KIRREL3: variants seen among roughly 807,000 people sequenced by gnomAD.
KIRREL3 encodes kirre like nephrin family adhesion molecule 3.
KIRREL3 carries 36 observed loss-of-function variants against 89.7 expected under a neutral mutation model. That is an observed-to-expected ratio of 0.40 (90% CI 0.31 to 0.53). The LOEUF is 0.53. Ranked by LOEUF, KIRREL3 falls within the 20% of genes least tolerant of loss-of-function variation. The pLI, the probability that KIRREL3 is intolerant of heterozygous loss-of-function variation, is 0.49. For missense variants in KIRREL3, 864 were observed against 1,056.6 expected, an observed-to-expected ratio of 0.82 and a Z score of 2.53; for synonymous variants, 445 against 441.4, an observed-to-expected ratio of 1.01 and a Z score of -0.10.
intron 1 of KIRREL3, among the ~76,000 whole-genome samples, chr11:126,926,675 T>G (rs1251416322): frequency 6.6e-6 from 1 of 152,192 alleles, no homozygotes; most frequent in African/African-American, 2.4e-5. Context: ...TGAAAGGAAC[T>G]GCAAATCTCC....
Position 126,763,776 on chromosome 11 carries a change from A to T in KIRREL3, c.56-200864T>A, listed in dbSNP as rs1949735272. Among the ~76,000 whole-genome samples, 1 of 152,162 alleles carries T rather than the reference A, an allele frequency of 6.6e-6. No individual in the cohort carries two copies. Among genetic ancestry groups the T allele is most frequent in the South Asian group, 2.1e-4 (1 of 4,824 alleles). ...TCAAACGTAGGGAAAGCTTGTCCAC[A>T]AAGCACTTGACACACAGTAGGCACT... On this transcript the variant is annotated intron_variant, in intron 1 of 16. Transcript: ENST00000525144. This position sits in a 1 kb window ranked among gnomAD's most constrained non-coding sequence, Gnocchi z 4.7.
At chr11:126,538,565 T>C (rs1250762406) in intron 2 of KIRREL3, among the ~76,000 whole-genome samples, 1 of 152,116 alleles carries the variant, frequency 6.6e-6, no homozygotes, top group East Asian at 1.9e-4. Flanking sequence ...CACAGGAGGA[T>C]CAGCTTTGAG....
At chr11:126,874,798 C>T (rs142346455) in intron 1 of KIRREL3, among the ~76,000 whole-genome samples, 190 of 152,270 alleles carry the variant, frequency 1.2e-3, no homozygotes, top group Non-Finnish European at 2.1e-3. Flanking sequence ...TAGATTCCAG[C>T]CCCCAGAGGC....
rs1313588961 is a variant in KIRREL3, at chr11:126,791,318, TATC to T, written c.55+209134_55+209136del. On this transcript the variant is annotated intron_variant, in intron 1 of 16. Transcript: ENST00000525144. The surrounding 1 kb of genome is among the most constrained non-coding windows in gnomAD (Gnocchi z 4.8). ...TAAATCGTAAAGGGAGGGCAGGTGT[TATC>T]ATAATAGGACATTCCAATTCATCGT... 6.6e-6 allele frequency among the ~76,000 whole-genome samples: 1 copy of T among 152,150 alleles called. No individual in the cohort carries two copies. The highest frequency in any genetic ancestry group is 2.4e-5 in the African/African-American group (1 of 41,442).
rs533150660 is a variant in KIRREL3 at position 126,557,003 on chromosome 11, C to T, written c.133+5832G>A. Among the ~76,000 whole-genome samples, 9 of 152,302 alleles carry T rather than the reference C, an allele frequency of 5.9e-5. No individual in the cohort carries two copies. In the South Asian group the frequency reaches 1.5e-3, roughly 25 times the overall value. On this transcript the variant is annotated intron_variant, in intron 2 of 16. Coordinates refer to ENST00000525144, the MANE Select transcript of KIRREL3 (RefSeq NM_032531.4). This position sits in a 1 kb window ranked among gnomAD's most constrained non-coding sequence, Gnocchi z 5.6. The stretch of plus-strand genomic sequence containing the variant: ...ACAAAATGACGGTATTAGCCAACAT[C>T]CCGGGGGCTCGGCAGGCAGTGGAGG...
At chr11:126,792,690 T>A (rs994097682) in intron 1 of KIRREL3, among the ~76,000 whole-genome samples, 14 of 152,200 alleles carry the variant, frequency 9.2e-5, no homozygotes. Context: ...ATGCACACAA[T>A]GCGATTAACA....
At position 126,630,343 on chromosome 11, in the gene KIRREL3, G is replaced by A. The variant is rs577946757; in HGVS notation, c.56-67431C>T. ...TCATTTTATAGACAAGGCCACTGTG[G>A]TTGAGTGACTTACCCAGAATCTAAG... On this transcript the variant is annotated intron_variant, in intron 1 of 16. Coordinates refer to ENST00000525144, the MANE Select transcript of KIRREL3 (RefSeq NM_032531.4). 3.9e-5 allele frequency among the ~76,000 whole-genome samples: 6 copies of A among 152,184 alleles called. 1 individual carries two copies. The South Asian group carries it at 1.2e-3, about 32-fold the overall frequency.
rs1417783143 is a variant in KIRREL3 at position 126,719,959 on chromosome 11, G to T, written c.56-157047C>A. ...CAAACTTCTGATGGCTTAGGGTCAG[G>T]GTGTGGTCCCTCTGCCTCTGATTTC... On this transcript the variant is annotated intron_variant, in intron 1 of 16. Transcript: ENST00000525144. This position sits in a 1 kb window ranked among gnomAD's most constrained non-coding sequence, Gnocchi z 4.7. 6.6e-6 allele frequency among the ~76,000 whole-genome samples: 1 copy of T among 152,074 alleles called. No individual in the cohort carries two copies. Among genetic ancestry groups the T allele is most frequent in the African/African-American group, 2.4e-5 (1 of 41,404 alleles).
At chr11:126,859,114 C>T (rs1263492257) in intron 1 of KIRREL3, among the ~76,000 whole-genome samples, 3 of 152,184 alleles carry the variant, frequency 2.0e-5, no homozygotes, top group African/African-American at 7.2e-5. Flanking sequence ...AGCTACCTTG[C>T]AGGTAGAGCC....
Position 126,484,110 on chromosome 11 carries a change from G to A in KIRREL3, c.434-10644C>T, listed in dbSNP as rs962890844. ...TACTTAGTACAGTGCCTGGCATAGT[G>A]AGCACTTAATAAATACTTGTTGCCT... On this transcript the variant is annotated intron_variant, in intron 4 of 16. Transcript: ENST00000525144. The surrounding 1 kb of genome is among the most constrained non-coding windows in gnomAD (Gnocchi z 5.2). 6.6e-6 allele frequency among the ~76,000 whole-genome samples: 1 copy of A among 152,174 alleles called. No individual in the cohort carries two copies. The highest frequency in any genetic ancestry group is 2.4e-5 in the African/African-American group (1 of 41,436).
At position 126,736,449 on chromosome 11, in the gene KIRREL3, CA is replaced by C. The variant is rs1218787025; in HGVS notation, c.56-173538del. On this transcript the variant is annotated intron_variant, in intron 1 of 16. Coordinates refer to ENST00000525144, the MANE Select transcript of KIRREL3 (RefSeq NM_032531.4). This position sits in a 1 kb window ranked among gnomAD's most constrained non-coding sequence, Gnocchi z 5.0. Reference sequence around the variant, plus strand: ...CCCAAGCTGTTTTTGGTGTTCATATCACTTTCTAAACAGAGAACTGGAGAGC... The same window carrying C: ...CCCAAGCTGTTTTTGGTGTTCATATCCTTTCTAAACAGAGAACTGGAGAGC... 6.6e-5 allele frequency among the ~76,000 whole-genome samples: 10 copies of C among 152,184 alleles called. No homozygotes were observed. The highest frequency in any genetic ancestry group is 2.2e-4 in the African/African-American group (9 of 41,452).
At chr11:126,915,452 A>T (rs1316481443) in intron 1 of KIRREL3, among the ~76,000 whole-genome samples, 2 of 152,270 alleles carry the variant, frequency 1.3e-5, no homozygotes, top group Non-Finnish European at 2.9e-5. Flanking sequence ...CATCAAGCTG[A>T]TGAAGATTTG....
Position 126,668,410 on chromosome 11 carries a change from A to T in KIRREL3, c.56-105498T>A, listed in dbSNP as rs939397505. Among the ~76,000 whole-genome samples the T allele has an allele frequency of 2.0e-5, 3 of 152,182 alleles. No homozygotes were observed. The highest frequency in any genetic ancestry group is 4.4e-5 in the Non-Finnish European group (3 of 68,038). ...CTTATGAATTTGGGGGAATATAACC[A>T]TTCAGAATAAAACACCCTGGCTATA... is the stretch of plus-strand genomic sequence containing the variant. On this transcript the variant is annotated intron_variant, in intron 1 of 16. Transcript: ENST00000525144. This position sits in a 1 kb window ranked among gnomAD's most constrained non-coding sequence, Gnocchi z 4.4.
chr11:126,873,144 T>C (rs1274600043), intron 1 of KIRREL3, among the ~76,000 whole-genome samples: 1 of 152,308 alleles, frequency 6.6e-6, no homozygotes, highest in East Asian at 1.9e-4. Flanking sequence ...AGTTCAAAAG[T>C]ACATATAATA....
chr11:126,674,860 G>A (rs1043928836), intron 1 of KIRREL3, among the ~76,000 whole-genome samples: 2 of 151,398 alleles, frequency 1.3e-5, no homozygotes, highest in Admixed American at 1.3e-4. Context: ...CACATTACTG[G>A]TGTCTGCCAT....
chr11:126,447,452 G>A (rs1310593043), intron 8 of KIRREL3, among the ~76,000 whole-genome samples: 6 of 152,164 alleles, frequency 3.9e-5, no homozygotes, highest in African/African-American at 9.7e-5. Context: ...CAGGGCTCTC[G>A]TGACCCACGC....
intron 1 of KIRREL3, among the ~76,000 whole-genome samples, chr11:126,700,206 A>G (rs75551638): frequency 2.0e-4 from 22 of 110,566 alleles, no homozygotes; most frequent in South Asian, 7.7e-4. Flanking sequence ...AAAAAAAAAA[A>G]AGAGAGAGAG....
chr11:126,998,704 GTACT>G (rs564432556), intron 1 of KIRREL3, among the ~76,000 whole-genome samples: 1 of 152,280 alleles, frequency 6.6e-6, no homozygotes, highest in African/African-American at 2.4e-5. Context: ...GGCCAGGGAG[GTACT>G]TAGACACCTA....
At chr11:126,916,091 A>G (rs528781888) in intron 1 of KIRREL3, among the ~76,000 whole-genome samples, 2 of 152,306 alleles carry the variant, frequency 1.3e-5, no homozygotes, top group East Asian at 3.9e-4. Flanking sequence ...GTGCTTCCAC[A>G]CCTAGTGATT....
Sources: gnomAD v4.1 joint callset for allele counts (sites outside exome capture counted in the v4.1 genomes callset) on GRCh38, gnomAD v4.1.1 for gene constraint, Gnocchi (gnomAD v3.1) non-coding constraint, MANE v1.5 for transcripts, NCBI Gene and HGNC (gene_info 2026-07-23, HGNC 2026-07-21) for gene names.